SRGAP2B: variants seen among roughly 807,000 people sequenced by gnomAD.
SRGAP2B encodes SLIT-ROBO Rho GTPase activating protein 2B, also known as SLIT-ROBO Rho GTPase-activating protein 2B.
In SRGAP2B, 9 loss-of-function variants were observed where a neutral mutation model predicts 22.2. That is an observed-to-expected ratio of 0.41 (90% CI 0.24 to 0.71). The LOEUF is 0.71. Ranked by LOEUF, SRGAP2B falls within the 30% of genes least tolerant of loss-of-function variation. SRGAP2B has a pLI of 0.35. For synonymous variants in SRGAP2B, 36 were observed against 87.4 expected (o/e 0.41, Z 3.28); for missense variants, 114 against 235.8 (o/e 0.48, Z 3.38).
At chr1:144,990,854 C>T (rs1570943853) in intron 3 of SRGAP2B, among the ~76,000 whole-genome samples, 1 of 151,448 alleles carries the variant, frequency 6.6e-6, no homozygotes, top group African/African-American at 2.5e-5. Flanking sequence ...GCGCTGTGCT[C>T]GATTTCTCGC....
chr1:144,942,308 T>C lies in SRGAP2B; in HGVS notation c.423+13131A>G, dbSNP rs1208794183. Reference sequence around the variant, plus strand: ...TGTCAGCTTGCACACTATTCGTGTGTGTGGTTTCTCCCAAGACTAATACGT... The same window carrying C: ...TGTCAGCTTGCACACTATTCGTGTGCGTGGTTTCTCCCAAGACTAATACGT... On this transcript the variant is annotated intron_variant, in intron 4 of 9. Coordinates refer to ENST00000612199, the Ensembl canonical transcript of SRGAP2B. 1.4e-4 allele frequency among the ~76,000 whole-genome samples: 21 copies of C among 150,518 alleles called. 1 individual carries two copies. The highest frequency in any genetic ancestry group is 2.6e-4 in the Non-Finnish European group (18 of 67,944).
intron 2 of SRGAP2B, among the ~76,000 whole-genome samples, chr1:145,023,698 C>T (rs1647410236): frequency 7.2e-6 from 1 of 138,020 alleles, no homozygotes; most frequent in African/African-American, 2.6e-5. Flanking sequence ...ATATTTAATT[C>T]AAACCACTTC....
At chr1:144,942,098 TC>T (rs1666093742) in intron 4 of SRGAP2B, among the ~76,000 whole-genome samples, 1 of 130,656 alleles carries the variant, frequency 7.7e-6, no homozygotes, top group Admixed American at 7.7e-5. Flanking sequence ...TTGCCCATGC[TC>T]TTATCTACAA....
chr1:144,981,781 GCTAA>G (rs1447101701), intron 3 of SRGAP2B, among the ~76,000 whole-genome samples: 3 of 148,444 alleles, frequency 2.0e-5, no homozygotes, highest in Non-Finnish European at 4.4e-5. Flanking sequence ...TGGCAATAGG[GCTAA>G]CTATTAACTC....
intron 2 of SRGAP2B, among the ~76,000 whole-genome samples, chr1:145,080,970 G>A (rs1236014246): frequency 1.3e-5 from 2 of 148,756 alleles, no homozygotes; most frequent in Non-Finnish European, 3.0e-5. Flanking sequence ...GCATAGGGAG[G>A]TACAGTAGGT....
chr1:145,081,404 G>C (rs1553634704), intron 2 of SRGAP2B, among the ~76,000 whole-genome samples: 4 of 150,744 alleles, frequency 2.7e-5, no homozygotes, highest in Non-Finnish European at 5.9e-5. Flanking sequence ...TAGGGATTTT[G>C]AGACCTTAGG....
intron 2 of SRGAP2B, among the ~76,000 whole-genome samples, chr1:145,023,115 A>C (rs373203108): frequency 3.4e-5 from 5 of 148,024 alleles, no homozygotes; most frequent in East Asian, 3.9e-4. Context: ...TGCAGTGAGC[A>C]GAGATCGCGC....
At chr1:145,089,122 A>G (rs1653730194) in intron 2 of SRGAP2B, among the ~76,000 whole-genome samples, 1 of 151,248 alleles carries the variant, frequency 6.6e-6, no homozygotes, top group Non-Finnish European at 1.5e-5. Context: ...GAGCATCTGC[A>G]GATTTTGGTA....
chr1:144,970,511 G>T (rs12144520), intron 3 of SRGAP2B, among the ~76,000 whole-genome samples: 1 of 101,572 alleles, frequency 9.8e-6, no homozygotes, highest in African/African-American at 4.1e-5. Flanking sequence ...GTGGGGGGAG[G>T]GGGGAGGGAT....
chr1:144,971,131 CTT>C (rs60651899), intron 3 of SRGAP2B, among the ~76,000 whole-genome samples: 12 of 140,822 alleles, frequency 8.5e-5, no homozygotes, highest in Admixed American at 1.4e-4. Context: ...GGAACACTTC[CTT>C]TTTTTTTTTT....
intron 2 of SRGAP2B, among the ~76,000 whole-genome samples, chr1:145,003,032 G>GC (rs1235910711): frequency 1.3e-5 from 2 of 151,768 alleles, no homozygotes; most frequent in African/African-American, 4.9e-5. Context: ...TTTGAGACTA[G>GC]CCTGGCCAAC....
intron 2 of SRGAP2B, among the ~76,000 whole-genome samples, chr1:145,024,810 T>C (rs868993644): frequency 2.7e-4 from 32 of 119,724 alleles, no homozygotes; most frequent in African/African-American, 9.8e-4. Flanking sequence ...ATCTGGGATC[T>C]AGGAAAAAAT....
intron 4 of SRGAP2B, among the ~76,000 whole-genome samples, chr1:144,947,510 G>A (rs1666552965): frequency 1.3e-5 from 2 of 150,366 alleles, no homozygotes; most frequent in East Asian, 3.9e-4. Context: ...ATGGCAAAAG[G>A]ACACGTTTAA....
At chr1:144,966,353 A>G in intron 3 of SRGAP2B, among the ~76,000 whole-genome samples, 1 of 149,288 alleles carries the variant, frequency 6.7e-6, no homozygotes, top group East Asian at 1.9e-4. Flanking sequence ...TCTTAAAGAA[A>G]AGAATTTTCA....
intron 4 of SRGAP2B, among the ~76,000 whole-genome samples, chr1:144,932,084 T>C (rs1665229342): frequency 6.7e-6 from 1 of 148,220 alleles, no homozygotes; most frequent in Non-Finnish European, 1.5e-5. Context: ...AATCGCTTCT[T>C]GATCCCTTCC....
At chr1:144,941,192 G>GA (rs587700882) in intron 4 of SRGAP2B, among the ~76,000 whole-genome samples, 5 of 141,966 alleles carry the variant, frequency 3.5e-5, no homozygotes, top group Middle Eastern at 3.5e-3. Flanking sequence ...TTTAACAATT[G>GA]AAAAAACCCT....
intron 3 of SRGAP2B, among the ~76,000 whole-genome samples, chr1:144,976,048 T>A: frequency 6.7e-6 from 1 of 148,934 alleles, no homozygotes; most frequent in Non-Finnish European, 1.5e-5. Flanking sequence ...TAATTTTTTT[T>A]TTTTGTATTT....
chr1:144,990,888 G>C (rs1196401506), intron 3 of SRGAP2B, among the ~76,000 whole-genome samples: 1 of 151,328 alleles, frequency 6.6e-6, no homozygotes, highest in Non-Finnish European at 1.5e-5. Flanking sequence ...CCTTCCCGCG[G>C]GGCAGGGCTC....
At chr1:144,940,422 T>C (rs1665936744) in intron 4 of SRGAP2B, among the ~76,000 whole-genome samples, 1 of 148,876 alleles carries the variant, frequency 6.7e-6, no homozygotes, top group Non-Finnish European at 1.5e-5. Flanking sequence ...TACCTAGTCA[T>C]CCTAAAAACA....
Sources: allele counts gnomAD v4.1 joint callset (sites outside exome capture counted in the v4.1 genomes callset), GRCh38; gene constraint gnomAD v4.1.1; transcripts MANE v1.5; gene names NCBI Gene and HGNC (gene_info 2026-07-23, HGNC 2026-07-21).